ATE1: variants seen among roughly 807,000 people sequenced by gnomAD.
ATE1 encodes the protein arginyl-tRNA--protein transferase 1.
Under a neutral mutation model 70.5 loss-of-function variants are expected in ATE1, and 36 were observed. The ratio of observed to expected loss-of-function variants is 0.51; its 90% confidence interval spans 0.39 to 0.67. The LOEUF is 0.67. Among genes scored for constraint, ATE1 ranks in the 30% least tolerant of loss-of-function variants. The pLI is 0.00. For missense variants in ATE1, 593 were observed against 629.5 expected, an observed-to-expected ratio of 0.94 and a Z score of 0.62; for synonymous variants, 232 against 219.3, an observed-to-expected ratio of 1.06 and a Z score of -0.51.
chr10:121,811,649 C>T (rs948821488), intron 10 of ATE1, among the ~76,000 whole-genome samples: 1 of 152,150 alleles, frequency 6.6e-6, no homozygotes, highest in Non-Finnish European at 1.5e-5. Flanking sequence ...AAACTGCTTA[C>T]CAGATCCTCA....
At chr10:121,761,770 G>C (rs1471707331) in intron 11 of ATE1, among the ~76,000 whole-genome samples, 1 of 151,930 alleles carries the variant, frequency 6.6e-6, no homozygotes, top group East Asian at 1.9e-4. Flanking sequence ...CCCATTCCTG[G>C]TCTCAGCCCA....
At chr10:121,846,741 T>TAAATAAAA (rs1554907997) in intron 8 of ATE1, 2 of 148,724 alleles carry the variant, frequency 1.3e-5, no homozygotes, top group African/African-American at 4.9e-5. Flanking sequence ...AATAAATAAA[T>TAAATAAAA]AAAATGTTAT....
chr10:121,833,918 C>T (rs1948342906), intron 10 of ATE1, among the ~76,000 whole-genome samples: 1 of 152,150 alleles, frequency 6.6e-6, no homozygotes, highest in Admixed American at 6.5e-5. Flanking sequence ...ATCTTCTGAG[C>T]ATTAAACAAA....
intron 8 of ATE1, among the ~76,000 whole-genome samples, chr10:121,851,913 T>C (rs970544089): frequency 6.6e-6 from 1 of 152,270 alleles, no homozygotes; most frequent in Non-Finnish European, 1.5e-5. Context: ...TGTGGTATAA[T>C]ACCAAAGGCA....
chr10:121,840,878 A>G (rs981544831), intron 9 of ATE1, among the ~76,000 whole-genome samples: 2 of 151,126 alleles, frequency 1.3e-5, no homozygotes, highest in Non-Finnish European at 2.9e-5. Context: ...ATATAAGTAT[A>G]TATTATATAG....
At chr10:121,820,930 AATATATAGGAAAAC>A (rs1947768520) in intron 10 of ATE1, among the ~76,000 whole-genome samples, 1 of 152,172 alleles carries the variant, frequency 6.6e-6, no homozygotes, top group Non-Finnish European at 1.5e-5. Flanking sequence ...AAATTCCTAA[AATATATAGGAAAAC>A]ATTTCCCTTT....
intron 1 of ATE1, among the ~76,000 whole-genome samples, chr10:121,925,456 AAAGT>A (rs1166392267): frequency 6.6e-6 from 1 of 151,962 alleles, no homozygotes; most frequent in African/African-American, 2.4e-5. Context: ...AGAAAGAAAG[AAAGT>A]AACTCAAATG....
intron 7 of ATE1, chr10:121,898,807 C>T: frequency 6.2e-7 from 1 of 1,608,770 alleles, no homozygotes; most frequent in Non-Finnish European, 8.5e-7. Context: ...TCCCAGACAA[C>T]CTTATCAACA....
intron 11 of ATE1, among the ~76,000 whole-genome samples, chr10:121,746,962 G>A (rs914335133): frequency 3.3e-5 from 5 of 152,148 alleles, no homozygotes; most frequent in East Asian, 1.9e-4. Flanking sequence ...ATGTCAGTTA[G>A]GGCATTCCCC....
At chr10:121,845,141 TA>T (rs771412779) in intron 8 of ATE1, among the ~76,000 whole-genome samples, 4 of 152,216 alleles carry the variant, frequency 2.6e-5, no homozygotes, top group Non-Finnish European at 4.4e-5. Flanking sequence ...TTTATCATGA[TA>T]TTTACTTTAT....
intron 11 of ATE1, among the ~76,000 whole-genome samples, chr10:121,754,540 A>T (rs1475333494): frequency 6.6e-6 from 1 of 152,238 alleles, no homozygotes; most frequent in Non-Finnish European, 1.5e-5. Context: ...AACAACAAAC[A>T]GGGAAAGAGG....
At chr10:121,771,366 G>A (rs1255313171) in intron 11 of ATE1, among the ~76,000 whole-genome samples, 1 of 152,140 alleles carries the variant, frequency 6.6e-6, no homozygotes, top group Non-Finnish European at 1.5e-5. Flanking sequence ...ACCGTGCCCG[G>A]CCTCTCTCTA....
chr10:121,894,102 A>G (rs1342987922), intron 7 of ATE1, among the ~76,000 whole-genome samples: 1 of 147,758 alleles, frequency 6.8e-6, no homozygotes, highest in African/African-American at 2.5e-5. Flanking sequence ...GCGCCATCGC[A>G]CTCCAGCCTG....
At chr10:121,888,573 T>C (rs1395532734) in intron 7 of ATE1, among the ~76,000 whole-genome samples, 2 of 152,046 alleles carry the variant, frequency 1.3e-5, no homozygotes, top group African/African-American at 2.4e-5. Context: ...TAGAGGAAAC[T>C]GACAATATGA....
At chr10:121,779,174 T>C (rs1945875619) in intron 11 of ATE1, among the ~76,000 whole-genome samples, 1 of 152,314 alleles carries the variant, frequency 6.6e-6, no homozygotes, top group Admixed American at 6.5e-5. Flanking sequence ...CTTCAGTTCC[T>C]TCCTAACTGA....
At chr10:121,876,302 A>C (rs139158460) in intron 7 of ATE1, among the ~76,000 whole-genome samples, 2,392 of 152,322 alleles carry the variant, frequency 0.016, 57 homozygotes, top group African/African-American at 0.055. Context: ...GTTGATTTCA[A>C]AGTTTGCTAA....
chr10:121,888,265 G>A (rs907273025), intron 7 of ATE1, among the ~76,000 whole-genome samples: 6 of 152,048 alleles, frequency 3.9e-5, no homozygotes, highest in Non-Finnish European at 7.4e-5. Flanking sequence ...GTGGTGGCAG[G>A]CGCCTGGAGT....
At chr10:121,913,248 T>G (rs773945705) in intron 4 of ATE1, among the ~76,000 whole-genome samples, 1 of 152,246 alleles carries the variant, frequency 6.6e-6, no homozygotes, top group Non-Finnish European at 1.5e-5. Context: ...AAATCATGTG[T>G]AACTAAAGTT....
chr10:121,763,796 T>C lies in ATE1; in HGVS notation c.1379-19938A>G, dbSNP rs535972738. 5.1e-4 allele frequency among the ~76,000 whole-genome samples: 77 copies of C among 152,190 alleles called. No individual in the cohort carries two copies. In the South Asian group the frequency reaches 0.015, roughly 30 times the overall value. On this transcript the variant is annotated intron_variant, in intron 11 of 11. Transcript: ENST00000224652. ...TGGGAGGCTGAGGTGGGCAGATCAC[T>C]TGAGGCCAGGAGTTTGAGACCAGCC...
Sources: allele counts gnomAD v4.1 joint callset (sites outside exome capture counted in the v4.1 genomes callset), GRCh38; gene constraint gnomAD v4.1.1; transcripts MANE v1.5; gene names NCBI Gene and HGNC (gene_info 2026-07-23, HGNC 2026-07-21).